Variants in CHD6 observed in about 807,000 individuals in gnomAD.
CHD6 encodes chromodomain helicase DNA binding protein 6, also known as ATP-dependent chromatin remodeler CHD6.
A neutral mutation model predicts 276.9 loss-of-function variants in CHD6; 50 were observed. That is an observed-to-expected ratio of 0.18 (90% CI 0.14 to 0.23). CHD6 has a LOEUF of 0.23. Among genes scored for constraint, CHD6 ranks in the 10% least tolerant of loss-of-function variants. The pLI is 1.00. For missense variants in CHD6, 2,564 were observed against 3,365.8 expected, an observed-to-expected ratio of 0.76 and a Z score of 5.89; for synonymous variants, 1,173 against 1,229.3, an observed-to-expected ratio of 0.95 and a Z score of 0.96.
chr20:41,407,172 C>A (rs1330086668), intron 36 of CHD6, among the ~76,000 whole-genome samples: 1 of 152,192 alleles, frequency 6.6e-6, no homozygotes. Flanking sequence ...CCCAGGGCTG[C>A]ACCTGCGGCC....
At chr20:41,411,263 C>T (rs779216002) in intron 36 of CHD6, among the ~76,000 whole-genome samples, 14 of 151,700 alleles carry the variant, frequency 9.2e-5, no homozygotes, top group South Asian at 2.1e-4. Flanking sequence ...ACTCTTTCTG[C>T]GAGAGGAGGA....
chr20:41,537,730 CAAT>C (rs1239670699), intron 2 of CHD6, among the ~76,000 whole-genome samples: 1 of 151,994 alleles, frequency 6.6e-6, no homozygotes, highest in Non-Finnish European at 1.5e-5. Context: ...GACAAGACAA[CAAT>C]AATTTTGGCA....
chr20:41,472,198 C>T (rs1187243314), intron 17 of CHD6, among the ~76,000 whole-genome samples: 3 of 151,210 alleles, frequency 2.0e-5, no homozygotes, highest in East Asian at 2.0e-4. Flanking sequence ...CTGAGATTGC[C>T]GCACTGCATT....
chr20:41,563,686 G>C (rs1372008293), intron 1 of CHD6, among the ~76,000 whole-genome samples: 1 of 152,204 alleles, frequency 6.6e-6, no homozygotes, highest in Non-Finnish European at 1.5e-5. Flanking sequence ...CAAGTGGCCA[G>C]ACCCTTCTAG....
intron 16 of CHD6, among the ~76,000 whole-genome samples, chr20:41,476,794 A>G (rs887529883): frequency 6.6e-6 from 1 of 151,878 alleles, no homozygotes; most frequent in Non-Finnish European, 1.5e-5. Context: ...TAAAAAAATA[A>G]AGAAAGAAAG....
At chr20:41,614,133 C>T (rs1404365255) in intron 1 of CHD6, among the ~76,000 whole-genome samples, 1 of 151,986 alleles carries the variant, frequency 6.6e-6, no homozygotes, top group Admixed American at 6.6e-5. Flanking sequence ...ATGCGATCAG[C>T]GACTATCCCT....
chr20:41,448,903 A>ATT (rs57775532), intron 23 of CHD6, among the ~76,000 whole-genome samples: 4 of 143,654 alleles, frequency 2.8e-5, no homozygotes, highest in Non-Finnish European at 4.6e-5. Flanking sequence ...TTCTGAGAGT[A>ATT]TTTTTTTTTT....
intron 27 of CHD6, among the ~76,000 whole-genome samples, chr20:41,429,765 C>T (rs955633022): frequency 6.6e-6 from 1 of 152,148 alleles, no homozygotes; most frequent in Non-Finnish European, 1.5e-5. Flanking sequence ...TATCATCCAA[C>T]AATAAAATAG....
chr20:41,426,504 T>C (rs2047370337), intron 27 of CHD6, among the ~76,000 whole-genome samples: 1 of 152,248 alleles, frequency 6.6e-6, no homozygotes, highest in African/African-American at 2.4e-5. Context: ...CCATCGTCAC[T>C]TGCAATTTAA....
chr20:41,478,497 G>A (rs928580528), intron 16 of CHD6, among the ~76,000 whole-genome samples: 1 of 152,190 alleles, frequency 6.6e-6, no homozygotes, highest in Non-Finnish European at 1.5e-5. Context: ...TTGATCAGCT[G>A]TAATTGATAA....
intron 1 of CHD6, among the ~76,000 whole-genome samples, chr20:41,584,246 G>A (rs1325262755): frequency 6.6e-6 from 1 of 152,206 alleles, no homozygotes; most frequent in Non-Finnish European, 1.5e-5. Context: ...AAGCAATAGA[G>A]AGACATCACA....
At chr20:41,486,151 C>T (rs962586199) in intron 14 of CHD6, 1 of 152,150 alleles carries the variant, frequency 6.6e-6, no homozygotes, top group African/African-American at 2.4e-5. Flanking sequence ...AGAGAAAAGA[C>T]ACAGCTAGCT....
chr20:41,504,486 T>C (rs899171328), intron 5 of CHD6, among the ~76,000 whole-genome samples: 3 of 142,416 alleles, frequency 2.1e-5, no homozygotes, highest in Non-Finnish European at 4.6e-5. Flanking sequence ...CTCACCTCAC[T>C]AAAACCTCCA....
rs1318607194 is a variant in CHD6 at position 41,452,950 on chromosome 20, T to G, written c.3121-8A>C. 1 of 1,610,092 alleles carries G rather than the reference T, an allele frequency of 6.2e-7. No individual in the cohort carries two copies. Among genetic ancestry groups the G allele is most frequent in the Non-Finnish European group, 8.5e-7 (1 of 1,176,690 alleles). ...GTCGATCACTAAGCTTTCCTAGAAA[T>G]GGAGAGGACTACTGGGAAGAAAGTC... is the stretch of plus-strand genomic sequence containing the variant. On this transcript the variant is annotated splice_polypyrimidine_tract_variant and splice_region_variant and intron_variant, in intron 20 of 36. Transcript: ENST00000373233. This position sits in a 1 kb window ranked among gnomAD's most constrained non-coding sequence, Gnocchi z 4.2.
rs2145857869 is a variant in CHD6, at chr20:41,489,722, A to G, written c.1680+56T>C. 3 of 1,606,456 alleles carry G rather than the reference A, an allele frequency of 1.9e-6. No homozygotes were observed. The South Asian group carries it at 3.3e-5, about 18-fold the overall frequency. On this transcript the variant is annotated intron_variant, in intron 12 of 36. Coordinates refer to ENST00000373233, the MANE Select transcript of CHD6 (RefSeq NM_032221.5). ...TGGAACTTCTGAAGATAAGTGACAG[A>G]AAGGCTGTTCTGAGCTTAGGCAGTC...
intron 17 of CHD6, among the ~76,000 whole-genome samples, chr20:41,467,255 C>T (rs13433291): frequency 6.6e-6 from 1 of 152,042 alleles, no homozygotes; most frequent in African/African-American, 2.4e-5. Flanking sequence ...ACAGTCAAAT[C>T]TCAAACCATT....
At chr20:41,482,651 G>A (rs2043321993) in intron 16 of CHD6, 3 of 407,608 alleles carry the variant, frequency 7.4e-6, no homozygotes, top group Non-Finnish European at 1.5e-5. Context: ...GATCATTGAT[G>A]TGTCACAATG....
At position 41,451,160 on chromosome 20, in the gene CHD6, C is replaced by G. The variant is rs376835856; in HGVS notation, c.3524-55G>C. On this transcript the variant is annotated intron_variant, in intron 22 of 36. Coordinates refer to ENST00000373233, the MANE Select transcript of CHD6 (RefSeq NM_032221.5). ...GGATAGCCAAGGGGGGTGTTACACA[C>G]GGGTTTTAGAAGAGCTGGGCTGGGG... 3 of 1,518,472 alleles carry G rather than the reference C, an allele frequency of 2.0e-6. No homozygotes were observed. In the South Asian group the frequency reaches 3.5e-5, roughly 18 times the overall value. 94.1% of individuals were successfully genotyped at this position (1,518,472 alleles called of 1,614,324 possible). A position where few individuals can be genotyped will look rare whatever the true frequency, so the allele number is the denominator to read the frequency against.
chr20:41,539,434 T>A (rs2044897289), intron 2 of CHD6, among the ~76,000 whole-genome samples: 1 of 152,188 alleles, frequency 6.6e-6, no homozygotes, highest in African/African-American at 2.4e-5. Flanking sequence ...CCACAAGGTG[T>A]CTGCCAGTAT....
Sources: allele counts gnomAD v4.1 joint callset (sites outside exome capture counted in the v4.1 genomes callset), GRCh38; gene constraint gnomAD v4.1.1; non-coding constraint Gnocchi (gnomAD v3.1); transcripts MANE v1.5; gene names NCBI Gene and HGNC (gene_info 2026-07-23, HGNC 2026-07-21).